The following VPS13D variants were observed in gnomAD, a reference collection of about 807,000 sequenced individuals.
VPS13D encodes intermembrane lipid transfer protein VPS13D.
Under a neutral mutation model 461.9 loss-of-function variants are expected in VPS13D, and 187 were observed. That is an observed-to-expected ratio of 0.40 (90% confidence interval 0.36 to 0.46). The LOEUF is 0.46. Ranked by LOEUF, VPS13D falls within the 20% of genes least tolerant of loss-of-function variation. VPS13D has a pLI of 0.60. For missense variants in VPS13D, 4,711 were observed against 5,364.9 expected, an observed-to-expected ratio of 0.88 and a Z score of 3.81; for synonymous variants, 1,951 against 1,986.3, an observed-to-expected ratio of 0.98 and a Z score of 0.47.
At position 12,378,478 on chromosome 1, in the gene VPS13D, G is replaced by A. The variant is rs148992866; in HGVS notation, c.10968G>A (p.Leu3656=). 7.9e-5 allele frequency: 127 copies of A among 1,612,176 alleles called. No individual in the cohort carries two copies. The Middle Eastern group carries it at 8.3e-4, about 10-fold the overall frequency. ...QLWRMTGTGM[L]AHEGSSVPHN... ...GGAGGATGACAGGAACAGGAATGCTGGCCCATGAGGGCTCCTCAGTTCCTC... is the reference window on the plus strand; with the variant it reads ...GGAGGATGACAGGAACAGGAATGCTAGCCCATGAGGGCTCCTCAGTTCCTC... Residue 3656 remains leucine, a synonymous_variant, in exon 56 of 70, where the codon CTG becomes CTA. Transcript: ENST00000620676.
chr1:12,457,610 G>A (rs1645346985), intron 66 of VPS13D, among the ~76,000 whole-genome samples: 1 of 152,198 alleles, frequency 6.6e-6, no homozygotes, highest in African/African-American at 2.4e-5. Context: ...TATCAAGACT[G>A]ATCAGTATTA....
intron 13 of VPS13D, among the ~76,000 whole-genome samples, chr1:12,265,976 T>G (rs1641255559): frequency 6.6e-6 from 1 of 151,958 alleles, no homozygotes; most frequent in Admixed American, 6.6e-5. Context: ...CTGGGCAACA[T>G]AGCAAGACCC....
intron 68 of VPS13D, chr1:12,499,479 A>G (rs974117416): frequency 2.0e-6 from 2 of 985,324 alleles, no homozygotes; most frequent in Non-Finnish European, 2.4e-6. Flanking sequence ...TGTTTGCAAT[A>G]GAAGAAATTG....
At chr1:12,456,636 CAAAAA>C (rs367987300) in intron 66 of VPS13D, among the ~76,000 whole-genome samples, 1 of 83,674 alleles carries the variant, frequency 1.2e-5, no homozygotes, top group Non-Finnish European at 2.4e-5. Flanking sequence ...GACTCCAATT[CAAAAA>C]AAAAAAAAAA....
chr1:12,251,194 G>A (rs563708457), intron 6 of VPS13D, among the ~76,000 whole-genome samples: 3 of 152,394 alleles, frequency 2.0e-5, no homozygotes, highest in Admixed American at 6.5e-5. Context: ...TGACTCTGTG[G>A]CCCTTTATGG....
Position 12,444,404 on chromosome 1 carries a change from A to AGTGAAGTCTTT in VPS13D, c.12334-11592_12334-11582dup, listed in dbSNP as rs1163506100. ...GATTTGTAGAACTTCTTGAATTTGC[A>AGTGAAGTCTTT]GTGAAGTCTTTGGACGATTTTGGGA... On this transcript the variant is annotated intron_variant, in intron 65 of 69. Coordinates refer to ENST00000620676, the MANE Select transcript of VPS13D (RefSeq NM_015378.4). Among the ~76,000 whole-genome samples, 5 of 152,158 alleles carry AGTGAAGTCTTT rather than the reference A, an allele frequency of 3.3e-5. No individual in the cohort carries two copies. The East Asian group carries it at 9.6e-4, about 29-fold the overall frequency.
intron 30 of VPS13D, 122 bp from the exon 31 acceptor site, chr1:12,317,950 A>C: frequency 1.0e-6 from 1 of 967,092 alleles, no homozygotes; most frequent in South Asian, 1.6e-5. Context: ...ACTGATACTC[A>C]AAGCAGGCAG....
At chr1:12,292,533 A>G (rs1034332459) in intron 23 of VPS13D, among the ~76,000 whole-genome samples, 2 of 141,400 alleles carry the variant, frequency 1.4e-5, no homozygotes, top group African/African-American at 5.3e-5. Context: ...TCTACCTCCC[A>G]GGCTCAAGCA....
intron 63 of VPS13D, among the ~76,000 whole-genome samples, chr1:12,409,321 C>A (rs576005337): frequency 1.3e-5 from 2 of 152,070 alleles, no homozygotes; most frequent in South Asian, 2.1e-4. Flanking sequence ...CCCTTTCTTC[C>A]ATTATATGAT....
chr1:12,254,274 C>T (rs546553780), intron 7 of VPS13D, among the ~76,000 whole-genome samples: 45 of 152,200 alleles, frequency 3.0e-4, no homozygotes, highest in Admixed American at 3.9e-4. Context: ...CTCTTGTGCT[C>T]AAGCAATCCT....
intron 62 of VPS13D, among the ~76,000 whole-genome samples, chr1:12,403,553 A>AT (rs1350415988): frequency 1.3e-5 from 2 of 152,184 alleles, no homozygotes; most frequent in African/African-American, 4.8e-5. Flanking sequence ...CATCTGGATG[A>AT]TTTTTTCCAA....
intron 68 of VPS13D, among the ~76,000 whole-genome samples, chr1:12,506,231 T>G (rs912283068): frequency 1.3e-5 from 2 of 152,202 alleles, no homozygotes; most frequent in Non-Finnish European, 2.9e-5. Context: ...AGCTCCATGA[T>G]AGAGGAATTC....
intron 25 of VPS13D, among the ~76,000 whole-genome samples, chr1:12,302,735 C>T (rs1266515248): frequency 1.3e-5 from 2 of 151,388 alleles, no homozygotes; most frequent in African/African-American, 2.4e-5. Flanking sequence ...TATCTCATTA[C>T]TTGAGAAAGC....
chr1:12,260,046 G>T (rs1296687672), intron 10 of VPS13D, among the ~76,000 whole-genome samples: 14 of 92,426 alleles, frequency 1.5e-4, no homozygotes, highest in Admixed American at 3.6e-4. Flanking sequence ...TTTTTTTTGA[G>T]ATGGAGTCTT....
intron 37 of VPS13D, among the ~76,000 whole-genome samples, chr1:12,332,760 T>C: frequency 6.6e-6 from 1 of 152,342 alleles, no homozygotes. Flanking sequence ...ATATAGTTTT[T>C]GTGCATATTT....
At chr1:12,298,010 A>G (rs1010815014) in intron 24 of VPS13D, among the ~76,000 whole-genome samples, 1 of 152,196 alleles carries the variant, frequency 6.6e-6, no homozygotes, top group Admixed American at 6.5e-5. Flanking sequence ...ATGCCTGTAT[A>G]TATATAAATA....
At chr1:12,440,315 G>A (rs574879018) in intron 65 of VPS13D, among the ~76,000 whole-genome samples, 9 of 152,278 alleles carry the variant, frequency 5.9e-5, no homozygotes, top group South Asian at 4.1e-4. Flanking sequence ...AAAATAAGAG[G>A]TGGTGTCAGC....
chr1:12,288,195 G>A (rs767982373), intron 21 of VPS13D, 28 bp from the exon 22 acceptor site: 1 of 1,573,322 alleles, frequency 6.4e-7, no homozygotes, highest in African/African-American at 1.3e-5. Context: ...CAGTAATATT[G>A]GCCTTGCTTT....
At chr1:12,286,260 T>C (rs1641974430) in intron 21 of VPS13D, among the ~76,000 whole-genome samples, 1 of 152,148 alleles carries the variant, frequency 6.6e-6, no homozygotes, top group Admixed American at 6.5e-5. Context: ...GTGTTTTTAG[T>C]TGAGATGGGG....
Sources: allele counts gnomAD v4.1 joint callset (sites outside exome capture counted in the v4.1 genomes callset), GRCh38; gene constraint gnomAD v4.1.1; transcripts MANE v1.5; gene names NCBI Gene and HGNC (gene_info 2026-07-23, HGNC 2026-07-21).